The following ROBO2 variants were observed in gnomAD, a reference collection of about 807,000 sequenced individuals.
The protein encoded by ROBO2 is roundabout guidance receptor 2.
A neutral mutation model predicts 160.8 loss-of-function variants in ROBO2; 53 were observed. That is an observed-to-expected ratio of 0.33 (90% CI 0.26 to 0.41). ROBO2 has a LOEUF of 0.41. Ranked by LOEUF, ROBO2 falls within the 10% of genes least tolerant of loss-of-function variation. The probability of loss-of-function intolerance (pLI) is 1.00; values close to 1 mark genes in which losing one functional copy is unlikely to be tolerated. For missense variants in ROBO2, 1,577 were observed against 1,722.4 expected, an observed-to-expected ratio of 0.92 and a Z score of 1.49; for synonymous variants, 664 against 611.7, an observed-to-expected ratio of 1.09 and a Z score of -1.26.
At chr3:76,118,141 A>G (rs1473935826) in intron 2 of ROBO2, among the ~76,000 whole-genome samples, 2 of 152,120 alleles carry the variant, frequency 1.3e-5, no homozygotes, top group East Asian at 3.9e-4. Context: ...CTTAAAGTAT[A>G]ATAAAACAAA....
At chr3:77,575,492 T>C (rs1316988676) in intron 14 of ROBO2, among the ~76,000 whole-genome samples, 1 of 152,082 alleles carries the variant, frequency 6.6e-6, no homozygotes, top group African/African-American at 2.4e-5. Context: ...CTTTAAAAAA[T>C]GTATATAGGT....
intron 2 of ROBO2, among the ~76,000 whole-genome samples, chr3:76,555,489 T>TCAACTC (rs2083734394): frequency 6.6e-6 from 1 of 151,798 alleles, no homozygotes; most frequent in Non-Finnish European, 1.5e-5. Flanking sequence ...ATCCCTCTCA[T>TCAACTC]CTTGAGTTGA....
chr3:76,901,503 G>A (rs773552342), intron 2 of ROBO2, among the ~76,000 whole-genome samples: 1 of 142,130 alleles, frequency 7.0e-6, no homozygotes, highest in Non-Finnish European at 1.5e-5. Flanking sequence ...GGGAGGCAGA[G>A]GTTACAGTGA....
At chr3:77,022,601 CT>C (rs2062707330) in intron 2 of ROBO2, among the ~76,000 whole-genome samples, 1 of 152,034 alleles carries the variant, frequency 6.6e-6, no homozygotes. Flanking sequence ...GTCTTTGAGT[CT>C]TTATTTTGGA....
intron 2 of ROBO2, among the ~76,000 whole-genome samples, chr3:76,615,390 T>C (rs553547876): frequency 6.6e-6 from 1 of 152,108 alleles, no homozygotes; most frequent in Non-Finnish European, 1.5e-5. Context: ...GTAACTGAGA[T>C]CAAATTGTTT....
intron 2 of ROBO2, among the ~76,000 whole-genome samples, chr3:77,276,222 A>C (rs114833529): frequency 0.16 from 24,579 of 151,788 alleles, 2,474 homozygotes; most frequent in African/African-American, 0.29. Flanking sequence ...ACAAACAAAA[A>C]AAAAAAACAA....
intron 2 of ROBO2, among the ~76,000 whole-genome samples, chr3:76,987,113 G>A (rs900287617): frequency 6.6e-6 from 1 of 152,166 alleles, no homozygotes; most frequent in Non-Finnish European, 1.5e-5. Context: ...GATACGCCAC[G>A]CCACCACTAC....
chr3:76,922,741 G>A (rs1202247375), intron 2 of ROBO2, among the ~76,000 whole-genome samples: 2 of 152,126 alleles, frequency 1.3e-5, no homozygotes, highest in Non-Finnish European at 2.9e-5. Flanking sequence ...TCTCCCAGCC[G>A]CCGATTGTGA....
intron 2 of ROBO2, among the ~76,000 whole-genome samples, chr3:76,699,041 C>G (rs1010670685): frequency 2.0e-5 from 3 of 152,124 alleles, no homozygotes; most frequent in Non-Finnish European, 4.4e-5. Context: ...TTACTTGACA[C>G]AAATGACAGA....
At chr3:76,934,373 T>G (rs1195964292) in intron 2 of ROBO2, among the ~76,000 whole-genome samples, 2 of 152,126 alleles carry the variant, frequency 1.3e-5, no homozygotes, top group Non-Finnish European at 2.9e-5. Context: ...GAATGTATGA[T>G]TTGCTTAAAT....
intron 2 of ROBO2, among the ~76,000 whole-genome samples, chr3:76,306,000 C>T (rs1394788092): frequency 1.3e-5 from 2 of 152,096 alleles, no homozygotes; most frequent in African/African-American, 4.8e-5. Context: ...AGCAGAATCC[C>T]TGGGCTCTAC....
chr3:76,842,005 G>A lies in ROBO2; in HGVS notation c.110-256009G>A, dbSNP rs557733256. 9.2e-5 allele frequency among the ~76,000 whole-genome samples: 14 copies of A among 152,316 alleles called. No homozygotes were observed. The South Asian group carries it at 2.9e-3, about 32-fold the overall frequency. ...TCTAAACAAGATGACATGAGCATTT[G>A]TGCAATTAACAGCATCAGCAAGGGG... On this transcript the variant is annotated intron_variant, in intron 2 of 26. Coordinates refer to the ROBO2 transcript ENST00000487694.
chr3:77,164,629 T>G (rs1488871131), intron 2 of ROBO2, among the ~76,000 whole-genome samples: 2 of 91,922 alleles, frequency 2.2e-5, no homozygotes, highest in African/African-American at 4.7e-5. Context: ...GGAGCCCCTC[T>G]GCCCGGCCAG....
At chr3:76,782,547 T>G (rs569129378) in intron 2 of ROBO2, among the ~76,000 whole-genome samples, 1 of 150,966 alleles carries the variant, frequency 6.6e-6, no homozygotes. Flanking sequence ...ACTTTATATA[T>G]CATGATGCTC....
At chr3:77,277,212 C>CTTTCTTCT (rs762489739) in intron 2 of ROBO2, among the ~76,000 whole-genome samples, 35 of 80,078 alleles carry the variant, frequency 4.4e-4, no homozygotes, top group South Asian at 9.1e-4. Context: ...TTCTTTCTTT[C>CTTTCTTCT]TTCTTTCTTT....
At chr3:76,566,475 C>T (rs2084531910) in intron 2 of ROBO2, among the ~76,000 whole-genome samples, 1 of 152,108 alleles carries the variant, frequency 6.6e-6, no homozygotes, top group Admixed American at 6.6e-5. Context: ...TTTTCTATTG[C>T]TCAAAACACT....
intron 2 of ROBO2, among the ~76,000 whole-genome samples, chr3:77,109,110 A>T (rs1254243538): frequency 6.6e-6 from 1 of 152,166 alleles, no homozygotes; most frequent in Non-Finnish European, 1.5e-5. Flanking sequence ...AAAAAGGTTG[A>T]TAGAAATTTA....
At chr3:75,966,259 C>T (rs984156330) in intron 2 of ROBO2, among the ~76,000 whole-genome samples, 18 of 86,294 alleles carry the variant, frequency 2.1e-4, no homozygotes, top group African/African-American at 5.1e-4. Flanking sequence ...TAGCACTTTG[C>T]CTAAATAACG....
intron 2 of ROBO2, among the ~76,000 whole-genome samples, chr3:76,323,825 C>G (rs1469374891): frequency 6.6e-6 from 1 of 152,164 alleles, no homozygotes; most frequent in Non-Finnish European, 1.5e-5. Flanking sequence ...CCTTGTCTGT[C>G]TTGTTGCCAG....
Sources: allele counts gnomAD v4.1 joint callset (sites outside exome capture counted in the v4.1 genomes callset), GRCh38; gene constraint gnomAD v4.1.1; transcripts MANE v1.5; gene names NCBI Gene and HGNC (gene_info 2026-07-23, HGNC 2026-07-21).